TMEM132A: variants seen among roughly 807,000 people sequenced by gnomAD.
TMEM132A encodes the protein GRP78-binding protein.
A neutral mutation model predicts 69.9 loss-of-function variants in TMEM132A; 48 were observed. That is an observed-to-expected ratio of 0.69 (90% CI 0.55 to 0.87). The LOEUF is 0.87. TMEM132A is among the 40% of genes least tolerant of loss of function. TMEM132A has a pLI of 0.00. For synonymous variants in TMEM132A, 577 were observed against 613.7 expected (o/e 0.94, Z 0.88); for missense variants, 1,287 against 1,407.2 (o/e 0.91, Z 1.37).
At chr11:60,934,442 G>A in intron 8 of TMEM132A, 46 bp from the exon 9 acceptor site, 1 of 1,334,354 alleles carries the variant, frequency 7.5e-7, no homozygotes, top group African/African-American at 1.5e-5. Flanking sequence ...GGGCAGGCTG[G>A]GGCCGCTCAG....
At chr11:60,926,911 A>C in intron 1 of TMEM132A, 1 of 490,818 alleles carries the variant, frequency 2.0e-6, no homozygotes. Flanking sequence ...AAAAGGAGAC[A>C]TTGAGAAGGC....
intron 1 of TMEM132A, 149 bp from the exon 2 acceptor site, chr11:60,927,055 C>T: frequency 1.4e-6 from 1 of 726,798 alleles, no homozygotes; most frequent in Non-Finnish European, 2.5e-6. Context: ...TCAGTGACCT[C>T]ATCTGTGAAA....
rs758306394 is a variant in TMEM132A at position 60,933,568 on chromosome 11, C to A, written c.1383C>A (p.Phe461Leu). ...LQVSEACDAV[F>L]VAGKESRGAR... ...TGTCTGAGGCCTGTGATGCCGTGTT[C>A]GTGGCTGGCAAGGAGAGCCGGGGCG... Residue 461 changes from phenylalanine (F) to leucine (L), a missense_variant, in exon 8 of 11, where the codon TTC becomes TTA. Coordinates refer to ENST00000453848, the MANE Select transcript of TMEM132A (RefSeq NM_178031.3). 1.2e-6 allele frequency: 2 copies of A among 1,607,740 alleles called. No individual in the cohort carries two copies. Among genetic ancestry groups the A allele is most frequent in the East Asian group, 4.5e-5 (2 of 44,848 alleles).
chr11:60,934,027 C>G (rs1856538089), intron 8 of TMEM132A: 2 of 491,712 alleles, frequency 4.1e-6, no homozygotes, highest in African/African-American at 3.9e-5. Context: ...TCCATCCTTT[C>G]CACGCTCCTC....
intron 1 of TMEM132A, 63 bp from the exon 2 acceptor site, chr11:60,927,141 C>A: frequency 7.0e-7 from 1 of 1,425,412 alleles, no homozygotes; most frequent in Non-Finnish European, 9.8e-7. Flanking sequence ...CCCAGCATGG[C>A]ACCCGGGTCA....
Position 60,936,248 on chromosome 11 carries a change from A to G in TMEM132A, c.2413A>G (p.Thr805Ala). 1 of 1,614,078 alleles carries G rather than the reference A, an allele frequency of 6.2e-7. No individual in the cohort carries two copies. Among genetic ancestry groups the G allele is most frequent in the Non-Finnish European group, 8.5e-7 (1 of 1,180,000 alleles). The change falls in exon 11 of 11, where the codon ACA becomes GCA. Residue 805 changes from threonine to alanine, a missense_variant. By Grantham distance (58) the Thr-to-Ala change is moderately conservative. Transcript: ENST00000453848. Reference protein sequence around the residue: ...RQVAGSVGGNTGVRGKFERAE... With the variant: ...RQVAGSVGGNAGVRGKFERAE... The stretch of plus-strand genomic sequence containing the variant: ...GGTGGCAGGCAGTGTCGGGGGCAAC[A>G]CAGGTGTGAGGGGCAAGTTTGAGCG...
At position 60,928,917 on chromosome 11, in the gene TMEM132A, C is replaced by A. The variant is rs780501243; in HGVS notation, c.823C>A (p.Leu275Ile). The A allele has an allele frequency of 6.2e-7, 1 of 1,612,752 alleles. No individual in the cohort carries two copies. Among genetic ancestry groups the A allele is most frequent in the South Asian group, 1.1e-5 (1 of 91,090 alleles). The change falls in exon 4 of 11, where the codon CTC (leucine) becomes ATC (isoleucine). Residue 275 changes from leucine (L) to isoleucine (I), a missense_variant. Physicochemically the swap from Leu to Ile is conservative, Grantham distance 5. Coordinates refer to ENST00000453848, the MANE Select transcript of TMEM132A (RefSeq NM_178031.3). ...GCCCGGCCAGCTCTTTAGTGCTACC[C>A]TCCTGCTTCGGCACAACTTCACAGC... ...VRPGQLFSATLLLRHNFTASL... is the reference protein window; with the variant it reads ...VRPGQLFSATILLRHNFTASL...
chr11:60,935,521 G>A lies in TMEM132A; in HGVS notation c.2028+78G>A. 1 of 1,436,800 alleles carries A rather than the reference G, an allele frequency of 7.0e-7. No individual in the cohort carries two copies. The highest frequency in any genetic ancestry group is 9.5e-7 in the Non-Finnish European group (1 of 1,057,460). The allele number at this position is 1,436,800 out of a possible 1,614,324, so 89.0% of individuals were successfully genotyped here. A position where few individuals can be genotyped will look rare whatever the true frequency, so the allele number is the denominator to read the frequency against. ...ATGGTAGAGGGGAATGGGAGGAAGGGACCCTGGTACCTCGACCCCTTAGGG... is the reference window on the plus strand; with the variant it reads ...ATGGTAGAGGGGAATGGGAGGAAGGAACCCTGGTACCTCGACCCCTTAGGG... On this transcript the variant is annotated intron_variant, in intron 10 of 10. Transcript: ENST00000453848. The surrounding 1 kb of genome is among the most constrained non-coding windows in gnomAD (Gnocchi z 5.0).
intron 8 of TMEM132A, chr11:60,934,119 G>T: frequency 2.7e-6 from 1 of 369,916 alleles, no homozygotes; most frequent in Non-Finnish European, 4.8e-6. Flanking sequence ...CAGAGCTCAG[G>T]AAATGAACAC....
In TMEM132A at chr11:60,936,273, G is replaced by T; in HGVS notation, c.2438G>T (p.Arg813Leu). The T allele has an allele frequency of 6.2e-7, 1 of 1,614,148 alleles. No homozygotes were observed. Among genetic ancestry groups the T allele is most frequent in the Non-Finnish European group, 8.5e-7 (1 of 1,180,008 alleles). The change falls in exon 11 of 11, where the codon CGG (arginine) becomes CTG (leucine). Residue 813 changes from arginine (R) to leucine (L), a missense_variant. By Grantham distance (102) the Arg-to-Leu change is moderately radical. Transcript: ENST00000453848. The part of the protein sequence containing the change: ...GNTGVRGKFE[R>L]AEEEARKEET... The stretch of plus-strand genomic sequence containing the variant: ...ACAGGTGTGAGGGGCAAGTTTGAGC[G>T]GGCAGAGGAGGAGGCCAGGAAGGAG...
chr11:60,935,169 G>T lies in TMEM132A; in HGVS notation c.1837-83G>T. 1 of 1,361,646 alleles carries T rather than the reference G, an allele frequency of 7.3e-7. No homozygotes were observed. Among genetic ancestry groups the T allele is most frequent in the Non-Finnish European group, 1.0e-6 (1 of 989,754 alleles). The allele number at this position is 1,361,646 out of a possible 1,614,324, so 84.3% of individuals were successfully genotyped here. On this transcript the variant is annotated intron_variant, in intron 9 of 10. Transcript: ENST00000453848. This position sits in a 1 kb window ranked among gnomAD's most constrained non-coding sequence, Gnocchi z 5.0. Reference sequence around the variant, plus strand: ...CCCACCTCCGGAGGGCAGCCCGTGAGGGTGCTGGGAGCACCCGGTTCCCTC... The same window carrying T: ...CCCACCTCCGGAGGGCAGCCCGTGATGGTGCTGGGAGCACCCGGTTCCCTC...
chr11:60,930,671 C>A lies in TMEM132A; in HGVS notation c.1016+12C>A, dbSNP rs554003123. On this transcript the variant is annotated intron_variant, in intron 5 of 10. Coordinates refer to ENST00000453848, the MANE Select transcript of TMEM132A (RefSeq NM_178031.3). Reference sequence around the variant, plus strand: ...GAGCCAGATTCCAGGTGGGCAGTTTCCCTCCACCCAGGGGGCAAAGGAGGG... The same window carrying A: ...GAGCCAGATTCCAGGTGGGCAGTTTACCTCCACCCAGGGGGCAAAGGAGGG... The A allele has an allele frequency of 6.9e-6, 11 of 1,601,974 alleles. No individual in the cohort carries two copies. In the East Asian group the frequency reaches 2.0e-4, roughly 29 times the overall value.
rs1412875079 is a variant in TMEM132A, at chr11:60,924,704, T to G, written c.71T>G (p.Leu24Arg). ...RGPYGPWLCL[L>R]VALALDVVRV... Reference sequence around the variant, plus strand: ...CCCTACGGCCCCTGGCTCTGCCTCCTGGTGGCCCTCGCCCTGGACGTCGTG... The same window carrying G: ...CCCTACGGCCCCTGGCTCTGCCTCCGGGTGGCCCTCGCCCTGGACGTCGTG... Residue 24 changes from leucine (L) to arginine (R), a missense_variant, in exon 1 of 11, where the codon CTG becomes CGG. Coordinates refer to ENST00000453848, the MANE Select transcript of TMEM132A (RefSeq NM_178031.3). 6.3e-7 allele frequency: 1 copy of G among 1,587,580 alleles called. No individual in the cohort carries two copies. Among genetic ancestry groups the G allele is most frequent in the African/African-American group, 1.4e-5 (1 of 73,590 alleles).
chr11:60,933,816 A>G, intron 8 of TMEM132A, 72 bp downstream of exon 8: 1 of 1,389,748 alleles, frequency 7.2e-7, no homozygotes, highest in Non-Finnish European at 9.7e-7. Context: ...CAGGGGACAC[A>G]GCCATGGGCC....
At chr11:60,931,338 G>T (rs1045669579) in intron 5 of TMEM132A, among the ~76,000 whole-genome samples, 1 of 152,242 alleles carries the variant, frequency 6.6e-6, no homozygotes, top group Admixed American at 6.5e-5. Context: ...CTGGGACCTG[G>T]AAGTGAATCT....
chr11:60,929,383 G>A (rs1017129373), intron 4 of TMEM132A, among the ~76,000 whole-genome samples: 3 of 152,260 alleles, frequency 2.0e-5, no homozygotes, highest in East Asian at 1.9e-4. Flanking sequence ...TGCCACCCTC[G>A]CCGTAGGAGT....
At chr11:60,934,465 G>C in intron 8 of TMEM132A, 23 bp from the exon 9 acceptor site, 1 of 1,365,424 alleles carries the variant, frequency 7.3e-7, no homozygotes, top group Non-Finnish European at 9.4e-7. Context: ...CTGACGGCCA[G>C]TCCCGGCCTC....
rs773292133 is a variant in TMEM132A at position 60,933,596 on chromosome 11, C to CG, written c.1417dup (p.Val473GlyfsTer47). 2.5e-6 allele frequency: 4 copies of CG among 1,607,242 alleles called. No homozygotes were observed. The highest frequency in any genetic ancestry group is 8.5e-7 in the Non-Finnish European group (1 of 1,179,268). ...GGCTGGCAAGGAGAGCCGGGGCGCCCGGGGGGTGCGAGTGGACTTCTGGTG... is the reference window on the plus strand; with the variant it reads ...GGCTGGCAAGGAGAGCCGGGGCGCCCGGGGGGGTGCGAGTGGACTTCTGGTG... On this transcript the variant is annotated frameshift_variant, in exon 8 of 11. Coordinates refer to ENST00000453848, the MANE Select transcript of TMEM132A (RefSeq NM_178031.3). LOFTEE classifies it high-confidence loss of function.
rs1388232484 is a variant in TMEM132A at position 60,928,639 on chromosome 11, G to A, written c.545G>A (p.Gly182Asp). The change falls in exon 4 of 11, where the codon GGC becomes GAC. Residue 182 changes from glycine to aspartate, a missense_variant. Transcript: ENST00000453848. ...HQACRFQPSL[G>D]ACVVELELPS... ...GTCGTGTCTTCACAGCCATCCCTGGGCGCCTGCGTGGTGGAGCTGGAGCTT... is the reference window on the plus strand; with the variant it reads ...GTCGTGTCTTCACAGCCATCCCTGGACGCCTGCGTGGTGGAGCTGGAGCTT... 3.1e-6 allele frequency: 5 copies of A among 1,608,510 alleles called. No homozygotes were observed. In the East Asian group the frequency reaches 1.1e-4, roughly 36 times the overall value.
Sources: allele counts gnomAD v4.1 joint callset (sites outside exome capture counted in the v4.1 genomes callset), GRCh38; gene constraint gnomAD v4.1.1; non-coding constraint Gnocchi (gnomAD v3.1); transcripts MANE v1.5; gene names NCBI Gene and HGNC (gene_info 2026-07-23, HGNC 2026-07-21).